Variants in EBF1 observed in about 807,000 individuals in gnomAD.
The protein encoded by EBF1 is EBF transcription factor 1, also known as transcription factor COE1.
A neutral mutation model predicts 68.4 loss-of-function variants in EBF1; 10 were observed. The observed-to-expected ratio is 0.15, with a 90% CI of 0.09 to 0.25. The LOEUF (loss-of-function observed/expected upper bound fraction) is 0.25. Ranked by LOEUF, EBF1 falls within the 10% of genes least tolerant of loss-of-function variation. The pLI is 1.00. For synonymous variants in EBF1, 298 were observed against 299.8 expected (o/e 0.99, Z 0.06); for missense variants, 509 against 794.4 (o/e 0.64, Z 4.32).
chr5:159,051,490 T>TCC (rs1270767592), intron 6 of EBF1, among the ~76,000 whole-genome samples: 1 of 137,066 alleles, frequency 7.3e-6, no homozygotes, highest in Non-Finnish European at 1.6e-5. Flanking sequence ...CATGTGCGAC[T>TCC]CGTGTTTCGG....
chr5:158,898,161 G>A (rs1002163974), intron 6 of EBF1, among the ~76,000 whole-genome samples: 2 of 152,144 alleles, frequency 1.3e-5, no homozygotes, highest in Admixed American at 6.5e-5. Context: ...AAGCAGCACT[G>A]TTATTATAGT....
At chr5:158,907,770 AC>A (rs1442790880) in intron 6 of EBF1, among the ~76,000 whole-genome samples, 6 of 151,448 alleles carry the variant, frequency 4.0e-5, no homozygotes, top group Admixed American at 2.6e-4. Context: ...TAAAAAAAAA[AC>A]AAATGCTCAA....
chr5:158,816,803 G>C (rs1438829335), intron 8 of EBF1, among the ~76,000 whole-genome samples: 1 of 151,996 alleles, frequency 6.6e-6, no homozygotes, highest in Non-Finnish European at 1.5e-5. Flanking sequence ...GAAAAAAAAA[G>C]AGGAGAAAGG....
intron 8 of EBF1, among the ~76,000 whole-genome samples, chr5:158,802,757 G>A (rs115283790): frequency 0.024 from 3,609 of 152,170 alleles, 160 homozygotes; most frequent in African/African-American, 0.083. Context: ...TTCCATAAGG[G>A]CACTCACCTC....
At chr5:159,077,251 A>C (rs561333483) in intron 5 of EBF1, among the ~76,000 whole-genome samples, 1 of 152,210 alleles carries the variant, frequency 6.6e-6, no homozygotes, top group African/African-American at 2.4e-5. Context: ...CCTGGCCAAC[A>C]CGGTGAAACC....
intron 6 of EBF1, among the ~76,000 whole-genome samples, chr5:158,896,548 A>T (rs1802218643): frequency 6.6e-6 from 1 of 152,236 alleles, no homozygotes; most frequent in South Asian, 2.1e-4. Context: ...AAAAAATCAA[A>T]GCTTAAGTAA....
intron 6 of EBF1, among the ~76,000 whole-genome samples, chr5:158,918,076 C>A (rs181360523): frequency 6.6e-6 from 1 of 152,280 alleles, no homozygotes; most frequent in East Asian, 1.9e-4. Context: ...TCAGCCAGGG[C>A]AGCTTTTCTT....
At chr5:158,762,346 T>C (rs1037356636) in intron 10 of EBF1, among the ~76,000 whole-genome samples, 1 of 152,202 alleles carries the variant, frequency 6.6e-6, no homozygotes, top group African/African-American at 2.4e-5. Context: ...GGAATAGATA[T>C]GTTTTACTTT....
intron 5 of EBF1, among the ~76,000 whole-genome samples, chr5:159,077,113 A>G (rs1452769989): frequency 6.6e-6 from 1 of 152,186 alleles, no homozygotes; most frequent in Non-Finnish European, 1.5e-5. Context: ...ACTTCATTCA[A>G]GTCTCTGCAT....
At chr5:158,721,584 G>C (rs971756006) in intron 11 of EBF1, among the ~76,000 whole-genome samples, 2 of 152,098 alleles carry the variant, frequency 1.3e-5, no homozygotes, top group Non-Finnish European at 2.9e-5. Flanking sequence ...AAAATTGTTC[G>C]CTGCCTATTA....
At chr5:158,929,978 T>C (rs1271638901) in intron 6 of EBF1, among the ~76,000 whole-genome samples, 1 of 152,188 alleles carries the variant, frequency 6.6e-6, no homozygotes, top group Non-Finnish European at 1.5e-5. Context: ...AGCAGGAAGT[T>C]TTAATTAAGT....
intron 6 of EBF1, among the ~76,000 whole-genome samples, chr5:158,854,963 A>G (rs1193651769): frequency 6.6e-6 from 1 of 152,216 alleles, no homozygotes; most frequent in Non-Finnish European, 1.5e-5. Flanking sequence ...TCCCATCTAC[A>G]GATGAATGTA....
chr5:158,703,201 T>G (rs1462812267), intron 15 of EBF1, among the ~76,000 whole-genome samples: 1 of 152,186 alleles, frequency 6.6e-6, no homozygotes, highest in Non-Finnish European at 1.5e-5. Context: ...GGACAAAGAC[T>G]GAGCATAGTT....
At chr5:158,952,304 C>T (rs1445953937) in intron 6 of EBF1, among the ~76,000 whole-genome samples, 2 of 152,146 alleles carry the variant, frequency 1.3e-5, no homozygotes, top group Admixed American at 1.3e-4. Flanking sequence ...AAGGGATTTA[C>T]CACCCTGTCA....
intron 6 of EBF1, among the ~76,000 whole-genome samples, chr5:158,904,020 G>C (rs1314817396): frequency 6.6e-6 from 1 of 152,058 alleles, no homozygotes; most frequent in Non-Finnish European, 1.5e-5. Context: ...AGAGGCTCAG[G>C]GTAAAAGACA....
intron 9 of EBF1, among the ~76,000 whole-genome samples, chr5:158,789,527 G>A (rs904511416): frequency 2.0e-5 from 3 of 152,144 alleles, no homozygotes; most frequent in African/African-American, 4.8e-5. Flanking sequence ...AAAGCCCATG[G>A]AAATTTCATG....
At chr5:158,887,513 T>G (rs1410375083) in intron 6 of EBF1, among the ~76,000 whole-genome samples, 1 of 152,234 alleles carries the variant, frequency 6.6e-6, no homozygotes, top group East Asian at 1.9e-4. Context: ...TGAGATGTCC[T>G]GTTTCTCAGA....
intron 6 of EBF1, among the ~76,000 whole-genome samples, chr5:158,863,317 A>G (rs1050121122): frequency 1.3e-5 from 2 of 152,170 alleles, no homozygotes; most frequent in Non-Finnish European, 2.9e-5. Flanking sequence ...CCCGACAGGA[A>G]TAGAACATCC....
chr5:159,028,355 G>C (rs923432047), intron 6 of EBF1, among the ~76,000 whole-genome samples: 1 of 152,164 alleles, frequency 6.6e-6, no homozygotes, highest in East Asian at 1.9e-4. Flanking sequence ...GAAAATCTAA[G>C]CTTCTGAAAA....
Sources: allele counts gnomAD v4.1 joint callset (sites outside exome capture counted in the v4.1 genomes callset), GRCh38; gene constraint gnomAD v4.1.1; transcripts MANE v1.5; gene names NCBI Gene and HGNC (gene_info 2026-07-23, HGNC 2026-07-21).